Variants in LHX1 observed in about 807,000 individuals in gnomAD.
LHX1 encodes LIM/homeobox protein Lhx1.
LHX1 carries 9 observed loss-of-function variants against 34.1 expected under a neutral mutation model. That is an observed-to-expected ratio of 0.26 (90% CI 0.16 to 0.46). LHX1 has a LOEUF of 0.46. Among genes scored for constraint, LHX1 ranks in the 20% least tolerant of loss-of-function variants. The pLI is 1.00. For synonymous variants in LHX1, 254 were observed against 241.5 expected (o/e 1.05, Z -0.48); for missense variants, 446 against 559.1 (o/e 0.80, Z 2.04).
intron 3 of LHX1, chr17:36,941,309 C>T (rs2070763783): frequency 5.2e-6 from 2 of 385,000 alleles, no homozygotes; most frequent in African/African-American, 2.1e-5. Flanking sequence ...TCTGCAACTC[C>T]AACTTTGTGA....
rs757158435 is a variant in LHX1, at chr17:36,940,676, A to G, written c.464A>G (p.Asp155Gly). ...GACCCGTCGCAGGACGACGCCAAGG[A>G]CTCGGAGAGCGCCAACGTGTCGGAC... ...SQDPSQDDAK[D>G]SESANVSDKE... is the part of the protein sequence containing the mutation. Residue 155 changes from aspartate to glycine, a missense_variant, in exon 3 of 5, where the codon GAC (aspartate) becomes GGC (glycine). By Grantham distance (94) the Asp-to-Gly change is moderately conservative. This residue lies in a region of LHX1 where 168 missense variants were observed against 226.6 expected (regional missense o/e 0.74). Coordinates refer to ENST00000614239, the MANE Select transcript of LHX1 (RefSeq NM_005568.5). The G allele has an allele frequency of 1.9e-6, 3 of 1,613,762 alleles. No individual in the cohort carries two copies. The highest frequency in any genetic ancestry group is 2.5e-6 in the Non-Finnish European group (3 of 1,180,020).
Position 36,937,814 on chromosome 17 carries a change from C to A in LHX1, c.-384C>A, listed in dbSNP as rs1015382540. On this transcript the variant is annotated 5_prime_UTR_variant, in exon 1 of 5. Transcript: ENST00000614239. ...CTCGGCGAGTCGTCGTCTTCTTCTT[C>A]TCCGTTTTTATTTATTTATTTCCGT... is the stretch of plus-strand genomic sequence containing the variant. The A allele has an allele frequency of 1.8e-5, 9 of 497,998 alleles. No individual in the cohort carries two copies. Among genetic ancestry groups the A allele is most frequent in the African/African-American group, 1.7e-4 (9 of 51,728 alleles). The allele number at this position is 497,998 out of a possible 1,614,324, so 30.8% of individuals were successfully genotyped here.
In LHX1 at chr17:36,940,515, G is replaced by A. The variant is rs1377633904; in HGVS notation, c.396G>A (p.Ser132=). The change falls in exon 2 of 5, where the codon TCG becomes TCA. Residue 132 remains serine, a splice_region_variant and synonymous_variant. Coordinates refer to ENST00000614239, the MANE Select transcript of LHX1 (RefSeq NM_005568.5). The stretch of plus-strand genomic sequence containing the variant: ...TTGCCAAAGAGAACAGCCTTCACTC[G>A]GGTGAGGCCCCAATTCCTGGCTGGC... ...SSVAKENSLH[S]ATTGSDPSLS... 1 of 1,613,858 alleles carries A rather than the reference G, an allele frequency of 6.2e-7. No individual in the cohort carries two copies. The highest frequency in any genetic ancestry group is 1.1e-5 in the South Asian group (1 of 91,080).
intron 4 of LHX1, 135 bp from the exon 5 acceptor site, chr17:36,942,617 G>A: frequency 9.2e-7 from 1 of 1,084,522 alleles, no homozygotes; most frequent in African/African-American, 1.6e-5. Context: ...ACCCAGGCCC[G>A]CGAGGGCTCC....
chr17:36,942,251 G>A lies in LHX1; in HGVS notation c.727G>A (p.Ala243Thr). 6.2e-7 allele frequency: 1 copy of A among 1,600,680 alleles called. No individual in the cohort carries two copies. The highest frequency in any genetic ancestry group is 1.1e-5 in the South Asian group (1 of 89,068). Reference sequence around the variant, plus strand: ...GGAGCGGAGGATGAAGCAGCTGAGCGCCCTGGGCGCCCGGCGCCACGCCTT... The same window carrying A: ...GGAGCGGAGGATGAAGCAGCTGAGCACCCTGGGCGCCCGGCGCCACGCCTT... ...SKERRMKQLS[A>T]LGARRHAFFR... The change falls in exon 4 of 5, where the codon GCC (alanine) becomes ACC (threonine). Residue 243 changes from alanine (A) to threonine (T), a missense_variant. Transcript: ENST00000614239.
intron 3 of LHX1, chr17:36,941,279 C>G (rs879230367): frequency 2.3e-6 from 1 of 439,208 alleles, no homozygotes; most frequent in East Asian, 5.2e-5. Flanking sequence ...GCCTTCTGCA[C>G]AAAGTGAACT....
At chr17:36,942,631 C>A in intron 4 of LHX1, 121 bp from the exon 5 acceptor site, 1 of 1,175,430 alleles carries the variant, frequency 8.5e-7, no homozygotes, top group Non-Finnish European at 1.2e-6. Context: ...GGGCTCCCCG[C>A]GATCCGCGAG....
At position 36,943,062 on chromosome 17, in the gene LHX1, C is replaced by A. The variant is rs890084232; in HGVS notation, c.1152C>A (p.Val384=). The A allele has an allele frequency of 3.1e-6, 5 of 1,608,168 alleles. No individual in the cohort carries two copies. The African/African-American group carries it at 6.7e-5, about 22-fold the overall frequency. Residue 384 remains valine (V), a synonymous_variant, in exon 5 of 5, where the codon GTC becomes GTA. Coordinates refer to ENST00000614239, the MANE Select transcript of LHX1 (RefSeq NM_005568.5). ...GCCCGCCCTTCTCGTCGCTGTCGGT[C>A]AACGGTGGGGCGAGCTACGGAAACC... The part of the protein sequence containing the change: ...GPSPPFSSLS[V]NGGASYGNHL...
chr17:36,937,357 G>A (rs890554041), upstream of LHX1: 7 of 349,876 alleles, frequency 2.0e-5, no homozygotes, highest in East Asian at 4.7e-4. Flanking sequence ...GGGCTGGGGC[G>A]GTAGGGAAGG....
chr17:36,941,334 T>G, intron 3 of LHX1: 1 of 360,272 alleles, frequency 2.8e-6, no homozygotes, highest in Non-Finnish European at 5.4e-6. Context: ...TTGCTCCAAT[T>G]AGACAAGCCC....
intron 4 of LHX1, 62 bp from the exon 5 acceptor site, chr17:36,942,690 T>G: frequency 7.0e-7 from 1 of 1,429,070 alleles, no homozygotes; most frequent in Non-Finnish European, 9.2e-7. Flanking sequence ...CTTCCCTCCC[T>G]TTCGGTCCCG....
At position 36,942,774 on chromosome 17, in the gene LHX1, G is replaced by A. The variant is rs372137646; in HGVS notation, c.864G>A (p.Gly288=). ...FYGDYQSEYY[G]PGGNYDFFPQ... ...CAGATTACCAGAGCGAGTACTACGG[G>A]CCCGGGGGCAACTACGACTTCTTCC... The change falls in exon 5 of 5, where the codon GGG becomes GGA. Residue 288 remains glycine, a synonymous_variant. Transcript: ENST00000614239. 5 of 1,539,546 alleles carry A rather than the reference G, an allele frequency of 3.2e-6. No homozygotes were observed. The highest frequency in any genetic ancestry group is 2.3e-5 in the East Asian group (1 of 43,288).
At chr17:36,940,030 G>A (rs1361167552) in intron 1 of LHX1, 6 of 591,574 alleles carry the variant, frequency 1.0e-5, no homozygotes, top group Non-Finnish European at 1.8e-5. Flanking sequence ...TTGGGCCCCT[G>A]GCTCTAACCG....
At position 36,942,868 on chromosome 17, in the gene LHX1, T is replaced by G; in HGVS notation, c.958T>G (p.Ser320Ala). 4 of 1,593,098 alleles carry G rather than the reference T, an allele frequency of 2.5e-6. No homozygotes were observed. Among genetic ancestry groups the G allele is most frequent in the Non-Finnish European group, 3.4e-6 (4 of 1,169,050 alleles). ...DLPFVPSSGP[S>A]GTPLGGLEHP... ...ACCCTTCGTGCCGTCATCTGGGCCG[T>G]CCGGGACGCCCCTGGGTGGCCTGGA... The change falls in exon 5 of 5, where the codon TCC (serine) becomes GCC (alanine). Residue 320 changes from serine (S) to alanine (A), a missense_variant. Around this residue, in one of 3 missense-constraint regions of LHX1, gnomAD observed 235 missense variants for 224.4 expected, o/e 1.05. Transcript: ENST00000614239.
At position 36,942,942 on chromosome 17, in the gene LHX1, C is replaced by G; in HGVS notation, c.1032C>G (p.Thr344=). The G allele has an allele frequency of 6.2e-7, 1 of 1,608,292 alleles. No individual in the cohort carries two copies. The highest frequency in any genetic ancestry group is 8.5e-7 in the Non-Finnish European group (1 of 1,177,970). ...CGTCGAGCGAGGCGCAGCGGTTTAC[C>G]GACATCCTGGCGCACCCACCCGGGG... ...HHPSSEAQRF[T]DILAHPPGDS... Residue 344 remains threonine (T), a synonymous_variant, in exon 5 of 5, where the codon ACC becomes ACG. Coordinates refer to ENST00000614239, the MANE Select transcript of LHX1 (RefSeq NM_005568.5).
rs1476106410 is a variant in LHX1, at chr17:36,940,898, GGC to G, written c.675+16_675+17del. On this transcript the variant is annotated intron_variant, in intron 3 of 4. Transcript: ENST00000614239. ...ATGCGCGTCATTCAGGTCAGGCCCC[GGC>G]GCGCCTCTCCATCCCACAGAGGCCC... 8 of 1,573,512 alleles carry G rather than the reference GGC, an allele frequency of 5.1e-6. No individual in the cohort carries two copies. Among genetic ancestry groups the G allele is most frequent in the Non-Finnish European group, 6.0e-6 (7 of 1,164,548 alleles).
chr17:36,938,692 T>G, intron 1 of LHX1: 2 of 475,116 alleles, frequency 4.2e-6, no homozygotes, highest in Non-Finnish European at 7.8e-6. Context: ...ACTGCTGTCT[T>G]TCCCGGAGCC....
At position 36,942,373 on chromosome 17, in the gene LHX1, C is replaced by T; in HGVS notation, c.841+8C>T. 4.4e-6 allele frequency: 7 copies of T among 1,575,622 alleles called. No individual in the cohort carries two copies. The highest frequency in any genetic ancestry group is 1.3e-5 in the African/African-American group (1 of 74,112). ...CCTTCTCCTTCTACGGAGGTGGGTG[C>T]GCGCCGAATGGCGGGGCGCGGCCAG... On this transcript the variant is annotated splice_region_variant and intron_variant, in intron 4 of 4. Transcript: ENST00000614239.
rs1476625506 is a variant in LHX1 at position 36,937,752 on chromosome 17, C to G, written c.-446C>G. The stretch of plus-strand genomic sequence containing the variant: ...GACTTCTGACAGCTCTACCTCAAGC[C>G]CCGGAGAACTCAGCGGCGCTTTCCT... On this transcript the variant is annotated 5_prime_UTR_variant, in exon 1 of 5. Coordinates refer to ENST00000614239, the MANE Select transcript of LHX1 (RefSeq NM_005568.5). 1 of 465,668 alleles carries G rather than the reference C, an allele frequency of 2.1e-6. No homozygotes were observed. The highest frequency in any genetic ancestry group is 2.3e-5 in the Admixed American group (1 of 42,616). 28.8% of individuals were successfully genotyped at this position (465,668 alleles called of 1,614,324 possible). A position where few individuals can be genotyped will look rare whatever the true frequency, so the allele number is the denominator to read the frequency against.
Sources: gnomAD v4.1 joint callset for allele counts on GRCh38, gnomAD v4.1.1 for gene constraint, gnomAD v4.1.1 regional missense constraint, MANE v1.5 for transcripts, NCBI Gene and HGNC (gene_info 2026-07-23, HGNC 2026-07-21) for gene names.